The following FGF12 variants were observed in gnomAD, a reference collection of about 807,000 sequenced individuals.
FGF12 encodes the protein fibroblast growth factor 12B.
FGF12 carries 14 observed loss-of-function variants against 23.6 expected under a neutral mutation model. The observed-to-expected ratio is 0.59, with a 90% CI of 0.39 to 0.93. The LOEUF is 0.93. FGF12 is among the 40% of genes least tolerant of loss of function. The probability of loss-of-function intolerance (pLI) is 0.00; values close to 1 mark genes in which losing one functional copy is unlikely to be tolerated. For missense variants in FGF12, 175 were observed against 217.8 expected, an observed-to-expected ratio of 0.80 and a Z score of 1.24; for synonymous variants, 62 against 77.3, an observed-to-expected ratio of 0.80 and a Z score of 1.04.
At chr3:192,645,611 C>T (rs1005189682) in intron 2 of FGF12, among the ~76,000 whole-genome samples, 2 of 151,896 alleles carry the variant, frequency 1.3e-5, no homozygotes, top group African/African-American at 4.8e-5. Flanking sequence ...CAGAATGGAG[C>T]ATCAGATATG....
intron 2 of FGF12, among the ~76,000 whole-genome samples, chr3:192,450,001 T>C (rs957166632): frequency 3.9e-5 from 6 of 152,236 alleles, no homozygotes; most frequent in Admixed American, 2.6e-4. Context: ...ATAATTCTTA[T>C]ATTAAACTCT....
chr3:192,288,558 T>G (rs1043657545), intron 4 of FGF12, among the ~76,000 whole-genome samples: 2 of 152,094 alleles, frequency 1.3e-5, no homozygotes, highest in African/African-American at 4.8e-5. Context: ...AATTGATGAT[T>G]CCACGTTTCC....
intron 5 of FGF12, among the ~76,000 whole-genome samples, chr3:192,168,705 T>C (rs1715368448): frequency 6.6e-6 from 1 of 152,224 alleles, no homozygotes; most frequent in Non-Finnish European, 1.5e-5. Flanking sequence ...CAACTGATTA[T>C]CAAATATCTC....
At chr3:192,307,995 G>A (rs1016209509) in intron 4 of FGF12, among the ~76,000 whole-genome samples, 5 of 152,128 alleles carry the variant, frequency 3.3e-5, no homozygotes, top group Non-Finnish European at 7.3e-5. Context: ...ATATAGATTT[G>A]AGAATAAAGA....
intron 2 of FGF12, among the ~76,000 whole-genome samples, chr3:192,529,373 G>A (rs184755867): frequency 1.6e-3 from 246 of 152,262 alleles, no homozygotes; most frequent in African/African-American, 5.5e-3. Flanking sequence ...GACCACCTCA[G>A]CCTGGATTTC....
chr3:192,198,346 T>C lies in FGF12; in HGVS notation c.229-27690A>G, dbSNP rs78194991. On this transcript the variant is annotated intron_variant, in intron 4 of 5. Coordinates refer to ENST00000445105, the MANE Select transcript of FGF12 (RefSeq NM_004113.6). ...ACAAGATTTTTTTCATTGCTTTAGT[T>C]AATATCTATTTTCTAACCTTTAACC... Among the ~76,000 whole-genome samples the C allele has an allele frequency of 3.3e-3, 507 of 152,272 alleles. 8 individuals are homozygous for C. Among genetic ancestry groups the C allele is most frequent in the East Asian group, 0.031 (162 of 5,180 alleles).
intron 4 of FGF12, among the ~76,000 whole-genome samples, chr3:192,308,744 G>T (rs774023425): frequency 2.6e-5 from 4 of 151,764 alleles, no homozygotes; most frequent in Non-Finnish European, 5.9e-5. Flanking sequence ...ACCAAATAAG[G>T]TCCTTTAAAC....
At chr3:192,172,100 G>A (rs1715599350) in intron 4 of FGF12, among the ~76,000 whole-genome samples, 1 of 152,046 alleles carries the variant, frequency 6.6e-6, no homozygotes, top group Non-Finnish European at 1.5e-5. Context: ...TAAGAAAACT[G>A]GAGTAGGCTG....
At chr3:192,707,619 G>A (rs1445587108) in intron 2 of FGF12, among the ~76,000 whole-genome samples, 2 of 151,546 alleles carry the variant, frequency 1.3e-5, no homozygotes, top group Admixed American at 6.6e-5. Flanking sequence ...GGTGGCAGGT[G>A]CCTGTAATCC....
At chr3:192,433,027 C>G (rs902650685) in intron 2 of FGF12, among the ~76,000 whole-genome samples, 1 of 152,168 alleles carries the variant, frequency 6.6e-6, no homozygotes, top group Non-Finnish European at 1.5e-5. Context: ...GATCGTCAAA[C>G]GTGAGAATCC....
intron 2 of FGF12, among the ~76,000 whole-genome samples, chr3:192,556,347 A>G (rs1040932127): frequency 2.0e-5 from 3 of 152,186 alleles, no homozygotes; most frequent in African/African-American, 7.2e-5. Context: ...TGCAAATGAT[A>G]AGCAAAGAGA....
chr3:192,232,533 T>G (rs887505379), intron 4 of FGF12, among the ~76,000 whole-genome samples: 3 of 151,734 alleles, frequency 2.0e-5, no homozygotes, highest in Non-Finnish European at 4.4e-5. Flanking sequence ...ATTTATTTAT[T>G]TATTTATTTA....
intron 5 of FGF12, among the ~76,000 whole-genome samples, chr3:192,159,913 A>G (rs1030374658): frequency 6.6e-6 from 1 of 151,916 alleles, no homozygotes; most frequent in Admixed American, 6.6e-5. Context: ...CTAGGGGATT[A>G]CAAGTGATTT....
intron 4 of FGF12, among the ~76,000 whole-genome samples, chr3:192,320,435 T>A (rs1308711263): frequency 6.6e-6 from 1 of 152,024 alleles, no homozygotes; most frequent in Non-Finnish European, 1.5e-5. Flanking sequence ...AACAAAGAAA[T>A]AAACTTAATC....
chr3:192,215,049 T>A (rs1290226472), intron 4 of FGF12, among the ~76,000 whole-genome samples: 1 of 152,152 alleles, frequency 6.6e-6, no homozygotes, highest in Non-Finnish European at 1.5e-5. Flanking sequence ...TAGGGGCCAA[T>A]CCTCTTCAGC....
chr3:192,389,563 A>G (rs1720205669), intron 2 of FGF12, among the ~76,000 whole-genome samples: 1 of 152,250 alleles, frequency 6.6e-6, no homozygotes, highest in Non-Finnish European at 1.5e-5. Flanking sequence ...CTAGCAAAAT[A>G]AAAAGAAGCA....
At chr3:192,190,044 C>A (rs182100530) in intron 4 of FGF12, among the ~76,000 whole-genome samples, 2 of 152,198 alleles carry the variant, frequency 1.3e-5, no homozygotes, top group East Asian at 3.9e-4. Context: ...AGCATGGAAG[C>A]ACTTAAGGTA....
intron 2 of FGF12, among the ~76,000 whole-genome samples, chr3:192,636,340 C>T (rs80340589): frequency 0.097 from 14,720 of 152,220 alleles, 898 homozygotes; most frequent in Non-Finnish European, 0.14. Context: ...TCAAGTTCCA[C>T]ATTTTGAGGG....
At chr3:192,403,649 G>A (rs1181212189) in intron 2 of FGF12, among the ~76,000 whole-genome samples, 1 of 151,294 alleles carries the variant, frequency 6.6e-6, no homozygotes, top group Non-Finnish European at 1.5e-5. Context: ...TGTAATCAAA[G>A]TACTTCCTAT....
Sources: allele counts gnomAD v4.1 joint callset (sites outside exome capture counted in the v4.1 genomes callset), GRCh38; gene constraint gnomAD v4.1.1; transcripts MANE v1.5; gene names NCBI Gene and HGNC (gene_info 2026-07-23, HGNC 2026-07-21).